The following CACNA1D variants were observed in gnomAD, a reference collection of about 807,000 sequenced individuals.
CACNA1D encodes calcium voltage-gated channel subunit alpha1 D.
A neutral mutation model predicts 257.1 loss-of-function variants in CACNA1D; 55 were observed. The ratio of observed to expected loss-of-function variants is 0.21; its 90% CI spans 0.17 to 0.27. The LOEUF is 0.27. Ranked by LOEUF, CACNA1D falls within the 10% of genes least tolerant of loss-of-function variation. The pLI is 1.00. For synonymous variants in CACNA1D, 980 were observed against 1,014.9 expected, an observed-to-expected ratio of 0.97 and a Z score of 0.65; for missense variants, 1,876 against 2,784.0, an observed-to-expected ratio of 0.67 and a Z score of 7.34.
intron 3 of CACNA1D, among the ~76,000 whole-genome samples, chr3:53,555,460 GTTTTTTTTTTTT>G: frequency 1.3e-5 from 1 of 78,368 alleles, no homozygotes; most frequent in South Asian, 4.8e-4. Context: ...GTGTGTGTGT[GTTTTTTTTTTTT>G]TTTTTTTTTT....
chr3:53,733,793 G>C (rs887724494), intron 19 of CACNA1D, among the ~76,000 whole-genome samples: 1 of 151,660 alleles, frequency 6.6e-6, no homozygotes, highest in Non-Finnish European at 1.5e-5. Context: ...GGGAAGCAAG[G>C]CCTGCTGGCA....
chr3:53,692,401 GC>G (rs1371341387), intron 8 of CACNA1D, among the ~76,000 whole-genome samples: 1 of 152,156 alleles, frequency 6.6e-6, no homozygotes, highest in Non-Finnish European at 1.5e-5. Flanking sequence ...ATGCACAGTG[GC>G]CTGGTGTTGA....
At chr3:53,721,225 C>A (rs1053738841) in intron 11 of CACNA1D, among the ~76,000 whole-genome samples, 3 of 152,220 alleles carry the variant, frequency 2.0e-5, no homozygotes, top group Admixed American at 2.0e-4. Context: ...ATACACCTTA[C>A]TTGATCCAGG....
intron 3 of CACNA1D, among the ~76,000 whole-genome samples, chr3:53,511,366 G>A (rs1326204345): frequency 6.6e-6 from 1 of 152,178 alleles, no homozygotes; most frequent in East Asian, 1.9e-4. Context: ...GCGAAAAAGA[G>A]TACATCCTGA....
At chr3:53,601,505 C>A (rs2093441683) in intron 3 of CACNA1D, among the ~76,000 whole-genome samples, 1 of 152,112 alleles carries the variant, frequency 6.6e-6, no homozygotes, top group African/African-American at 2.4e-5. Flanking sequence ...TCCTGGGATT[C>A]TAAAATTAGC....
intron 3 of CACNA1D, among the ~76,000 whole-genome samples, chr3:53,527,724 G>C (rs2091815277): frequency 6.6e-6 from 1 of 152,222 alleles, no homozygotes; most frequent in Non-Finnish European, 1.5e-5. Flanking sequence ...AGTATTTACA[G>C]TACTGGATGA....
intron 3 of CACNA1D, among the ~76,000 whole-genome samples, chr3:53,521,929 A>G (rs2091592737): frequency 1.3e-5 from 2 of 151,344 alleles, no homozygotes; most frequent in Non-Finnish European, 2.9e-5. Context: ...GTTGGAGAAC[A>G]GCCTGGAAAA....
intron 3 of CACNA1D, among the ~76,000 whole-genome samples, chr3:53,521,966 A>G (rs1031748954): frequency 6.6e-6 from 1 of 150,972 alleles, no homozygotes; most frequent in African/African-American, 2.4e-5. Context: ...CTCTACCAAA[A>G]AAAAAAAAAA....
intron 8 of CACNA1D, among the ~76,000 whole-genome samples, chr3:53,686,841 AAG>A (rs372796867): frequency 6.6e-6 from 1 of 152,212 alleles, no homozygotes; most frequent in Non-Finnish European, 1.5e-5. Context: ...ATTGGAAAGA[AAG>A]AAAAAACTAT....
At chr3:53,750,107 G>A (rs1273214940) in intron 27 of CACNA1D, among the ~76,000 whole-genome samples, 1 of 152,168 alleles carries the variant, frequency 6.6e-6, no homozygotes, top group African/African-American at 2.4e-5. Flanking sequence ...TTTGAATTTG[G>A]GACTAAGATT....
rs577011935 is a variant in CACNA1D, at chr3:53,613,596, G to A, written c.484-37183G>A. On this transcript the variant is annotated intron_variant, in intron 3 of 47. Transcript: ENST00000350061. ...TTCAAATATTTTAAAAAGGATGTGA[G>A]AACTCTTTGGAAACCATAATACATG... Among the ~76,000 whole-genome samples, 11 of 152,118 alleles carry A rather than the reference G, an allele frequency of 7.2e-5. No homozygotes were observed. The South Asian group carries it at 2.3e-3, about 32-fold the overall frequency.
chr3:53,680,039 G>A (rs1294440555), intron 8 of CACNA1D, among the ~76,000 whole-genome samples: 2 of 152,186 alleles, frequency 1.3e-5, no homozygotes, highest in Non-Finnish European at 1.5e-5. Context: ...GCTGTTGGGG[G>A]TAGCTGACAG....
At chr3:53,693,986 C>T (rs533212897) in intron 8 of CACNA1D, among the ~76,000 whole-genome samples, 1 of 152,162 alleles carries the variant, frequency 6.6e-6, no homozygotes, top group Non-Finnish European at 1.5e-5. Context: ...TTTTATGGGA[C>T]GTTTAAGAAA....
At chr3:53,515,541 C>T (rs2091298576) in intron 3 of CACNA1D, among the ~76,000 whole-genome samples, 1 of 152,164 alleles carries the variant, frequency 6.6e-6, no homozygotes, top group East Asian at 1.9e-4. Flanking sequence ...ATGACTTGCC[C>T]AAGAGCAAAC....
chr3:53,700,897 T>G (rs1393155508), intron 8 of CACNA1D, among the ~76,000 whole-genome samples: 2 of 151,952 alleles, frequency 1.3e-5, no homozygotes, highest in African/African-American at 4.8e-5. Context: ...TTTTTATTTT[T>G]TTTGAGATGG....
Position 53,740,710 on chromosome 3 carries a change from A to G in CACNA1D, c.2811+371A>G, listed in dbSNP as rs948359967. Among the ~76,000 whole-genome samples, 7 of 151,186 alleles carry G rather than the reference A, an allele frequency of 4.6e-5. 1 individual carries two copies. Among genetic ancestry groups the G allele is most frequent in the Middle Eastern group, 6.8e-3 (2 of 292 alleles). On this transcript the variant is annotated intron_variant, in intron 21 of 47. Coordinates refer to ENST00000350061, the MANE Select transcript of CACNA1D (RefSeq NM_001128840.3). ...ATGTAGGAGCCACTCTGGCTTCATG[A>G]TAGTGGTTGAGAATTACATTTTGCT...
chr3:53,518,663 G>C (rs1486305232), intron 3 of CACNA1D, among the ~76,000 whole-genome samples: 1 of 152,104 alleles, frequency 6.6e-6, no homozygotes, highest in Non-Finnish European at 1.5e-5. Context: ...GCTAAAAATG[G>C]GATCCTGTTG....
At chr3:53,695,279 A>T (rs2094563308) in intron 8 of CACNA1D, among the ~76,000 whole-genome samples, 1 of 152,070 alleles carries the variant, frequency 6.6e-6, no homozygotes, top group South Asian at 2.1e-4. Context: ...ATCTCTACTG[A>T]GGATCCCTGT....
At chr3:53,799,448 G>A (rs374393815) in intron 40 of CACNA1D, among the ~76,000 whole-genome samples, 12 of 152,340 alleles carry the variant, frequency 7.9e-5, no homozygotes, top group East Asian at 1.9e-4. Flanking sequence ...CTGTGAGGGC[G>A]CCAGGGGAGA....
Sources: gnomAD v4.1 joint callset for allele counts (sites outside exome capture counted in the v4.1 genomes callset) on GRCh38, gnomAD v4.1.1 for gene constraint, MANE v1.5 for transcripts, NCBI Gene and HGNC (gene_info 2026-07-23, HGNC 2026-07-21) for gene names.